The following LAMA4 variants were observed in gnomAD, a reference collection of about 807,000 sequenced individuals.
LAMA4 encodes laminin subunit alpha-4.
In LAMA4, 127 loss-of-function variants were observed where a neutral mutation model predicts 207.1. The ratio of observed to expected loss-of-function variants is 0.61; its 90% CI spans 0.53 to 0.71. The LOEUF is 0.71. Ranked by LOEUF, LAMA4 falls within the 30% of genes least tolerant of loss-of-function variation. LAMA4 has a pLI of 0.00. For synonymous variants in LAMA4, 761 were observed against 816.0 expected (o/e 0.93, Z 1.15); for missense variants, 2,093 against 2,246.5 (o/e 0.93, Z 1.38).
intron 34 of LAMA4, 112 bp downstream of exon 34, chr6:112,119,044 A>G (rs1339879054): frequency 1.7e-5 from 18 of 1,084,648 alleles, no homozygotes; most frequent in Non-Finnish European, 2.5e-5. Context: ...CCAGAAAACT[A>G]CAGTTTTACT....
At position 112,178,572 on chromosome 6, in the gene LAMA4, C is replaced by T. The variant is rs1357147582; in HGVS notation, c.1078-340G>A. ...CATATTTGTAGTCTTTTATCCCTCC[C>T]CACTCCACTCTTCCCTGCAAGTCCC... On this transcript the variant is annotated intron_variant, in intron 9 of 38. Transcript: ENST00000230538. The T allele has an allele frequency of 9.7e-6, 3 of 308,900 alleles. No homozygotes were observed. The East Asian group carries it at 2.6e-4, about 27-fold the overall frequency. The allele number at this position is 308,900 out of a possible 1,614,324, so 19.1% of individuals were successfully genotyped here. A position where few individuals can be genotyped will look rare whatever the true frequency, so the allele number is the denominator to read the frequency against.
intron 5 of LAMA4, among the ~76,000 whole-genome samples, chr6:112,199,808 A>G (rs1554351631): frequency 6.8e-6 from 1 of 146,288 alleles, no homozygotes. Flanking sequence ...TTTTTGAGAG[A>G]TAGAGGGTGT....
At chr6:112,212,616 C>T (rs570292173) in intron 3 of LAMA4, among the ~76,000 whole-genome samples, 11 of 152,178 alleles carry the variant, frequency 7.2e-5, no homozygotes, top group Non-Finnish European at 1.6e-4. Flanking sequence ...ACGAAACTTT[C>T]TGACTTTCTT....
At chr6:112,194,378 CA>C (rs1783291762) in intron 5 of LAMA4, among the ~76,000 whole-genome samples, 1 of 152,198 alleles carries the variant, frequency 6.6e-6, no homozygotes, top group South Asian at 2.1e-4. Flanking sequence ...TGGTCTTTTA[CA>C]AGAGAAAACT....
chr6:112,207,137 C>T lies in LAMA4; in HGVS notation c.306G>A (p.Gln102=), dbSNP rs953814099. The T allele has an allele frequency of 1.9e-6, 3 of 1,613,926 alleles. No homozygotes were observed. The highest frequency in any genetic ancestry group is 2.5e-6 in the Non-Finnish European group (3 of 1,179,946). ...LDGSGYCVHC[Q]RNTTGEHCEK... ...CACAGTGCTCTCCTGTTGTGTTCCG[C>T]TGGCAGTGCTATGAGACAAAAGACA... is the stretch of plus-strand genomic sequence containing the variant. Residue 102 remains glutamine (Q), a synonymous_variant, in exon 4 of 39, where the codon CAG becomes CAA. Transcript: ENST00000230538.
At chr6:112,178,000 A>C in intron 10 of LAMA4, 121 bp downstream of exon 10, 2 of 765,994 alleles carry the variant, frequency 2.6e-6, no homozygotes, top group Non-Finnish European at 4.7e-6. Context: ...TAAACCTATA[A>C]TACTGTACCA....
intron 8 of LAMA4, chr6:112,187,200 T>G (rs1186624912): frequency 1.7e-6 from 1 of 581,548 alleles, no homozygotes; most frequent in African/African-American, 1.9e-5. Context: ...ACTAGTCTTT[T>G]AGTCATTTCA....
intron 12 of LAMA4, among the ~76,000 whole-genome samples, chr6:112,168,609 G>C (rs1745904086): frequency 2.0e-5 from 3 of 152,084 alleles, no homozygotes; most frequent in African/African-American, 4.8e-5. Flanking sequence ...GCCTCCCAAA[G>C]TGCAGGGATT....
intron 4 of LAMA4, among the ~76,000 whole-genome samples, chr6:112,206,484 G>C (rs1320748148): frequency 1.3e-5 from 2 of 152,050 alleles, no homozygotes; most frequent in Admixed American, 1.3e-4. Flanking sequence ...TAAAATGTAT[G>C]TCTCTTTCCT....
At chr6:112,168,463 A>C (rs1416960901) in intron 12 of LAMA4, among the ~76,000 whole-genome samples, 1 of 149,174 alleles carries the variant, frequency 6.7e-6, no homozygotes, top group Admixed American at 6.9e-5. Context: ...CTCCTGTCTC[A>C]GCCTCCCAAG....
intron 32 of LAMA4, among the ~76,000 whole-genome samples, chr6:112,121,315 C>G (rs1335988767): frequency 1.3e-5 from 2 of 152,202 alleles, no homozygotes; most frequent in African/African-American, 4.8e-5. Flanking sequence ...GGATAAGATA[C>G]ATTTATTAGG....
intron 2 of LAMA4, among the ~76,000 whole-genome samples, chr6:112,249,216 G>A (rs551154865): frequency 6.6e-5 from 10 of 152,066 alleles, no homozygotes; most frequent in South Asian, 4.2e-4. Flanking sequence ...AGGCCGAGGC[G>A]GGTGGATCAT....
At chr6:112,205,998 G>A (rs1261495532) in intron 4 of LAMA4, among the ~76,000 whole-genome samples, 6 of 152,036 alleles carry the variant, frequency 3.9e-5, no homozygotes, top group African/African-American at 9.7e-5. Flanking sequence ...GTCTCTGCAC[G>A]CACTCCTTCT....
Position 112,175,322 on chromosome 6 carries a change from C to T in LAMA4, c.1348G>A (p.Ala450Thr). The stretch of plus-strand genomic sequence containing the variant: ...AGAGGAATACACCTACGTTCGTAAG[C>T]CTCATCTGCCTCCTCATCCACGAGC... ...RELVDEEADE[A>T]YELLSQAESW... The change falls in exon 11 of 39, where the codon GCT becomes ACT. Residue 450 changes from alanine to threonine, a missense_variant. Transcript: ENST00000230538. 6.2e-7 allele frequency: 1 copy of T among 1,614,048 alleles called. No individual in the cohort carries two copies.
Position 112,163,820 on chromosome 6 carries a change from A to G in LAMA4, c.1668+1340T>C, listed in dbSNP as rs141260843. ...ATAGGAGATAGTACAGCACGTTTGT[A>G]CGCTGATGGTAATGATTAAGTAAAG... On this transcript the variant is annotated intron_variant, in intron 13 of 38. Coordinates refer to ENST00000230538, the MANE Select transcript of LAMA4 (RefSeq NM_001105206.3). 1.5e-3 allele frequency among the ~76,000 whole-genome samples: 223 copies of G among 152,292 alleles called. 1 individual carries two copies. Among genetic ancestry groups the G allele is most frequent in the African/African-American group, 3.8e-3 (159 of 41,562 alleles).
chr6:112,119,002 C>T (rs782171559), intron 34 of LAMA4, among the ~76,000 whole-genome samples, 154 bp downstream of exon 34: 9 of 152,134 alleles, frequency 5.9e-5, no homozygotes, highest in Admixed American at 5.2e-4. Flanking sequence ...ACAGGCAGCC[C>T]ATAAGACAGT....
chr6:112,174,442 A>G (rs925794961), intron 11 of LAMA4, among the ~76,000 whole-genome samples: 2 of 152,216 alleles, frequency 1.3e-5, no homozygotes, highest in African/African-American at 4.8e-5. Flanking sequence ...CCAACCCATG[A>G]AAGCATGAGC....
chr6:112,227,321 G>C (rs1025779016), intron 2 of LAMA4, among the ~76,000 whole-genome samples: 1 of 152,044 alleles, frequency 6.6e-6, no homozygotes, highest in South Asian at 2.1e-4. Context: ...CACCCGCCTC[G>C]GCCTCCCAAA....
At chr6:112,113,276 A>G (rs977296655) in intron 38 of LAMA4, among the ~76,000 whole-genome samples, 1 of 152,212 alleles carries the variant, frequency 6.6e-6, no homozygotes, top group African/African-American at 2.4e-5. Flanking sequence ...AAAATATCAC[A>G]TGTACCCCCA....
Sources: gnomAD v4.1 joint callset for allele counts (sites outside exome capture counted in the v4.1 genomes callset) on GRCh38, gnomAD v4.1.1 for gene constraint, MANE v1.5 for transcripts, NCBI Gene and HGNC (gene_info 2026-07-23, HGNC 2026-07-21) for gene names.